The following SNX33 variants were observed in gnomAD, a reference collection of about 807,000 sequenced individuals.
The protein encoded by SNX33 is sorting nexin 33, also known as sorting nexin-33.
A neutral mutation model predicts 38.8 loss-of-function variants in SNX33; 19 were observed. That is an observed-to-expected ratio of 0.49 (90% CI 0.34 to 0.72). The LOEUF (loss-of-function observed/expected upper bound fraction) is 0.72, where lower values mean the gene tolerates loss of function less well. SNX33 is among the 30% of genes least tolerant of loss of function. The probability of loss-of-function intolerance (pLI) is 0.01; values close to 1 mark genes in which losing one functional copy is unlikely to be tolerated. For synonymous variants in SNX33, 246 were observed against 289.7 expected (o/e 0.85, Z 1.53); for missense variants, 641 against 776.4 (o/e 0.83, Z 2.07).
rs1254101827 is a variant in SNX33, at chr15:75,657,951, G to C, written c.*736G>C. ...TTCCATGGGGATTCTGGCCTGTGTGGTAGGAAGGGATCTCCCTTGCTCCCA... is the reference window on the plus strand; with the variant it reads ...TTCCATGGGGATTCTGGCCTGTGTGCTAGGAAGGGATCTCCCTTGCTCCCA... On this transcript the variant is annotated 3_prime_UTR_variant, in exon 2 of 2. Transcript: ENST00000308527. This position sits in a 1 kb window ranked among gnomAD's most constrained non-coding sequence, Gnocchi z 5.5. The C allele has an allele frequency of 6.5e-6, 1 of 152,904 alleles. No homozygotes were observed. The highest frequency in any genetic ancestry group is 1.5e-5 in the Non-Finnish European group (1 of 68,498). The allele number at this position is 152,904 out of a possible 1,614,324, so 9.5% of individuals were successfully genotyped here.
At position 75,650,462 on chromosome 15, in the gene SNX33, G is replaced by A. The variant is rs769289489; in HGVS notation, c.1360G>A (p.Gly454Arg). 5 of 1,614,138 alleles carry A rather than the reference G, an allele frequency of 3.1e-6. No individual in the cohort carries two copies. Among genetic ancestry groups the A allele is most frequent in the South Asian group, 2.2e-5 (2 of 91,068 alleles). Residue 454 changes from glycine (G) to arginine (R), a missense_variant, in exon 1 of 2, where the codon GGG (glycine) becomes AGG (arginine). Physicochemically the swap from Gly to Arg is moderately radical, Grantham distance 125. Around this residue, in one of 2 missense-constraint regions of SNX33, gnomAD observed 398 missense variants for 542.5 expected, o/e 0.73. Transcript: ENST00000308527. The surrounding 1 kb of genome is among the most constrained non-coding windows in gnomAD (Gnocchi z 6.1). Reference protein sequence around the residue: ...SHTGRTYEAIGEMFAEQPKND... With the variant: ...SHTGRTYEAIREMFAEQPKND... ...CACGGGCCGTACCTATGAAGCCATC[G>A]GGGAGATGTTTGCTGAGCAGCCCAA...
At chr15:75,656,619 T>C (rs924236749) in intron 1 of SNX33, among the ~76,000 whole-genome samples, 9 of 152,144 alleles carry the variant, frequency 5.9e-5, no homozygotes, top group African/African-American at 2.2e-4. Flanking sequence ...GGATCTGCTG[T>C]GGGCCAGGCC....
chr15:75,649,758 G>A lies in SNX33; in HGVS notation c.656G>A (p.Arg219His), dbSNP rs1447888847. ...ACATACTCCATTGAAATGGGCCCTC[G>A]TGGCCCCCAGTGGAAGGCCAATCCC... ...AETYSIEMGP[R>H]GPQWKANPHP... The change falls in exon 1 of 2, where the codon CGT (arginine) becomes CAT (histidine). Residue 219 changes from arginine (R) to histidine (H), a missense_variant. By Grantham distance (29) the Arg-to-His change is conservative. Coordinates refer to ENST00000308527, the MANE Select transcript of SNX33 (RefSeq NM_153271.2). This position sits in a 1 kb window ranked among gnomAD's most constrained non-coding sequence, Gnocchi z 6.6. 3.3e-6 allele frequency: 5 copies of A among 1,522,864 alleles called. No homozygotes were observed. The highest frequency in any genetic ancestry group is 1.4e-5 in the African/African-American group (1 of 72,110). 94.3% of individuals were successfully genotyped at this position (1,522,864 alleles called of 1,614,324 possible).
chr15:75,657,087 C>T lies in SNX33; in HGVS notation c.1597C>T (p.His533Tyr), dbSNP rs1409269448. ...VGFALQAEMN[H>Y]FHQRRELDFK... The stretch of plus-strand genomic sequence containing the variant: ...TTTCGCCCTGCAGGCCGAGATGAAC[C>T]ACTTCCACCAGCGCCGTGAGCTCGA... Residue 533 changes from histidine (H) to tyrosine (Y), a missense_variant, in exon 2 of 2, where the codon CAC becomes TAC. Coordinates refer to ENST00000308527, the MANE Select transcript of SNX33 (RefSeq NM_153271.2). This position sits in a 1 kb window ranked among gnomAD's most constrained non-coding sequence, Gnocchi z 5.5. The T allele has an allele frequency of 5.6e-6, 9 of 1,614,062 alleles. No individual in the cohort carries two copies. Among genetic ancestry groups the T allele is most frequent in the Non-Finnish European group, 7.6e-6 (9 of 1,180,032 alleles).
In SNX33 at chr15:75,650,098, C is replaced by T. The variant is rs1265032552; in HGVS notation, c.996C>T (p.Phe332=). The stretch of plus-strand genomic sequence containing the variant: ...CCCAGTACGAAGGCTTCCAGCATTT[C>T]CTCAGCTGCCTGGATGACAAGCAGT... The part of the protein sequence containing the change: ...VLSQYEGFQH[F]LSCLDDKQWK... Residue 332 remains phenylalanine, a synonymous_variant, in exon 1 of 2, where the codon TTC becomes TTT. Coordinates refer to ENST00000308527, the MANE Select transcript of SNX33 (RefSeq NM_153271.2). The surrounding 1 kb of genome is among the most constrained non-coding windows in gnomAD (Gnocchi z 6.1). 6.2e-6 allele frequency: 10 copies of T among 1,614,064 alleles called. No homozygotes were observed. In the Admixed American group the frequency reaches 1.7e-4, roughly 27 times the overall value.
chr15:75,650,606 G>A lies in SNX33; in HGVS notation c.1471+33G>A. The A allele has an allele frequency of 6.4e-7, 1 of 1,552,328 alleles. No homozygotes were observed. ...CCAGTGCAGGCAGGAAACTCGTCCT[G>A]AGTCTGGCTCTCTGCTGGGCCCTGG... On this transcript the variant is annotated intron_variant, in intron 1 of 1. Coordinates refer to ENST00000308527, the MANE Select transcript of SNX33 (RefSeq NM_153271.2). The surrounding 1 kb of genome is among the most constrained non-coding windows in gnomAD (Gnocchi z 6.1).
Position 75,656,955 on chromosome 15 carries a change from A to G in SNX33, c.1472-7A>G. Reference sequence around the variant, plus strand: ...TCACACGCTGTCCTCTGCTCTGCCTATGCCAGGCGCCTTCGCCAAGGTGAA... The same window carrying G: ...TCACACGCTGTCCTCTGCTCTGCCTGTGCCAGGCGCCTTCGCCAAGGTGAA... On this transcript the variant is annotated splice_polypyrimidine_tract_variant and splice_region_variant and intron_variant, in intron 1 of 1. Coordinates refer to ENST00000308527, the MANE Select transcript of SNX33 (RefSeq NM_153271.2). The G allele has an allele frequency of 6.2e-7, 1 of 1,611,554 alleles. No homozygotes were observed. Among genetic ancestry groups the G allele is most frequent in the Non-Finnish European group, 8.5e-7 (1 of 1,178,366 alleles).
At chr15:75,653,197 T>G (rs1216406848) in intron 1 of SNX33, among the ~76,000 whole-genome samples, 1 of 151,972 alleles carries the variant, frequency 6.6e-6, no homozygotes, top group African/African-American at 2.4e-5. Context: ...TAAAATGAAA[T>G]AAAATGGGAC....
At position 75,649,436 on chromosome 15, in the gene SNX33, G is replaced by A; in HGVS notation, c.334G>A (p.Asp112Asn). 6.5e-7 allele frequency: 1 copy of A among 1,533,834 alleles called. No individual in the cohort carries two copies. The highest frequency in any genetic ancestry group is 8.8e-7 in the Non-Finnish European group (1 of 1,138,178). The change falls in exon 1 of 2, where the codon GAT (aspartate) becomes AAT (asparagine). Residue 112 changes from aspartate (D) to asparagine (N), a missense_variant. Asp to Asn is a conservative substitution (Grantham distance 23). This residue lies in a region of SNX33 where 243 missense variants were observed against 233.9 expected (regional missense o/e 1.04). Coordinates refer to ENST00000308527, the MANE Select transcript of SNX33 (RefSeq NM_153271.2). This position sits in a 1 kb window ranked among gnomAD's most constrained non-coding sequence, Gnocchi z 6.6. ...CTCAAACCAGGGTAGCTTTGAGGAGGATGATGATGATGACTGGGATGACTG... is the reference window on the plus strand; with the variant it reads ...CTCAAACCAGGGTAGCTTTGAGGAGAATGATGATGATGACTGGGATGACTG... ...FLSNQGSFEEDDDDDWDDWDD... is the reference protein window; with the variant it reads ...FLSNQGSFEENDDDDWDDWDD...
Position 75,657,141 on chromosome 15 carries a change from C to G in SNX33, c.1651C>G (p.Arg551Gly), listed in dbSNP as rs747006284. Reference sequence around the variant, plus strand: ...CAAGCACATGATGCAGAACTACTTGCGCCAGCAGATCCTCTTCTACCAGCG... The same window carrying G: ...CAAGCACATGATGCAGAACTACTTGGGCCAGCAGATCCTCTTCTACCAGCG... ...DFKHMMQNYL[R>G]QQILFYQRVG... The change falls in exon 2 of 2, where the codon CGC becomes GGC. Residue 551 changes from arginine (R) to glycine (G), a missense_variant. Around this residue, in one of 2 missense-constraint regions of SNX33, gnomAD observed 398 missense variants for 542.5 expected, o/e 0.73. Transcript: ENST00000308527. The surrounding 1 kb of genome is among the most constrained non-coding windows in gnomAD (Gnocchi z 5.5). The G allele has an allele frequency of 2.5e-6, 4 of 1,614,036 alleles. No individual in the cohort carries two copies. Among genetic ancestry groups the G allele is most frequent in the Admixed American group, 3.3e-5 (2 of 60,008 alleles).
rs576096076 is a variant in SNX33 at position 75,662,205 on chromosome 15, A to G, written c.*4990A>G. The G allele has an allele frequency of 1.3e-5, 2 of 152,320 alleles. No individual in the cohort carries two copies. Among genetic ancestry groups the G allele is most frequent in the East Asian group, 1.9e-4 (1 of 5,180 alleles). 9.4% of individuals were successfully genotyped at this position (152,320 alleles called of 1,614,324 possible). On this transcript the variant is annotated 3_prime_UTR_variant, in exon 2 of 2. Coordinates refer to ENST00000308527, the MANE Select transcript of SNX33 (RefSeq NM_153271.2). ...TAAAGGCTGAATCCCACACTCTATC[A>G]TACATATTAATATTTACCTGCATTC...
Position 75,649,049 on chromosome 15 carries a change from C to G in SNX33, c.-54C>G. 1 of 1,523,734 alleles carries G rather than the reference C, an allele frequency of 6.6e-7. No homozygotes were observed. Among genetic ancestry groups the G allele is most frequent in the African/African-American group, 1.4e-5 (1 of 72,126 alleles). The allele number at this position is 1,523,734 out of a possible 1,614,324, so 94.4% of individuals were successfully genotyped here. ...TTCTTGGACTGCCTTGTGAGCATCCCCGGTCTGGGCAGGACCCTCTCCTTC... is the reference window on the plus strand; with the variant it reads ...TTCTTGGACTGCCTTGTGAGCATCCGCGGTCTGGGCAGGACCCTCTCCTTC... On this transcript the variant is annotated 5_prime_UTR_variant, in exon 1 of 2. Coordinates refer to ENST00000308527, the MANE Select transcript of SNX33 (RefSeq NM_153271.2). This position sits in a 1 kb window ranked among gnomAD's most constrained non-coding sequence, Gnocchi z 6.6.
chr15:75,648,548 C>A lies in SNX33; in HGVS notation c.-555C>A. On this transcript the variant is annotated 5_prime_UTR_variant, in exon 1 of 2. Transcript: ENST00000308527. This position sits in a 1 kb window ranked among gnomAD's most constrained non-coding sequence, Gnocchi z 4.4. ...TTCCGGATTTTTGAAAACCCAGTGGCCCAGGAGCAAGAGGAGGAAGGAGGA... is the reference window on the plus strand; with the variant it reads ...TTCCGGATTTTTGAAAACCCAGTGGACCAGGAGCAAGAGGAGGAAGGAGGA... The A allele has an allele frequency of 2.0e-6, 2 of 985,344 alleles. No individual in the cohort carries two copies. Among genetic ancestry groups the A allele is most frequent in the Non-Finnish European group, 1.2e-6 (1 of 829,926 alleles). 61.0% of individuals were successfully genotyped at this position (985,344 alleles called of 1,614,324 possible).
chr15:75,657,327 G>T lies in SNX33; in HGVS notation c.*112G>T. The T allele has an allele frequency of 2.0e-6, 3 of 1,532,262 alleles. No individual in the cohort carries two copies. The highest frequency in any genetic ancestry group is 2.6e-6 in the Non-Finnish European group (3 of 1,134,802). 94.9% of individuals were successfully genotyped at this position (1,532,262 alleles called of 1,614,324 possible). ...TGGGGGAGGGGTCAGCGGTGGGGGAGATAAGCGGCCTGTCCTGCCTCCTGG... is the reference window on the plus strand; with the variant it reads ...TGGGGGAGGGGTCAGCGGTGGGGGATATAAGCGGCCTGTCCTGCCTCCTGG... On this transcript the variant is annotated 3_prime_UTR_variant, in exon 2 of 2. Coordinates refer to ENST00000308527, the MANE Select transcript of SNX33 (RefSeq NM_153271.2). The surrounding 1 kb of genome is among the most constrained non-coding windows in gnomAD (Gnocchi z 5.5).
In SNX33 at chr15:75,650,540, T is replaced by G. The variant is rs1893566394; in HGVS notation, c.1438T>G (p.Ser480Ala). 14 of 1,606,598 alleles carry G rather than the reference T, an allele frequency of 8.7e-6. No homozygotes were observed. Among genetic ancestry groups the G allele is most frequent in the Non-Finnish European group, 1.2e-5 (14 of 1,176,874 alleles). ...ACTGTCTCTCTACCAGGGCCTGCTC[T>G]CCAACTTCCCTGACATCATCCATCT... The part of the protein sequence containing the change: ...DTLSLYQGLL[S>A]NFPDIIHLQK... The change falls in exon 1 of 2, where the codon TCC becomes GCC. Residue 480 changes from serine (S) to alanine (A), a missense_variant. Physicochemically the swap from Ser to Ala is moderately conservative, Grantham distance 99. Coordinates refer to ENST00000308527, the MANE Select transcript of SNX33 (RefSeq NM_153271.2). The surrounding 1 kb of genome is among the most constrained non-coding windows in gnomAD (Gnocchi z 6.1).
At chr15:75,655,295 C>A (rs1015600996) in intron 1 of SNX33, among the ~76,000 whole-genome samples, 2 of 152,236 alleles carry the variant, frequency 1.3e-5, no homozygotes, top group Non-Finnish European at 2.9e-5. Flanking sequence ...GAGGGTTGGA[C>A]ACCTGATCTT....
At chr15:75,654,062 C>T (rs28445050) in intron 1 of SNX33, among the ~76,000 whole-genome samples, 7,047 of 148,424 alleles carry the variant, frequency 0.047, 527 homozygotes, top group African/African-American at 0.16. Context: ...CACTGCACTC[C>T]AGCTTGGGCA....
In SNX33 at chr15:75,649,469, G is replaced by T. The variant is rs200632506; in HGVS notation, c.367G>T (p.Gly123Ter). 6.5e-7 allele frequency: 1 copy of T among 1,539,316 alleles called. No individual in the cohort carries two copies. Among genetic ancestry groups the T allele is most frequent in the Non-Finnish European group, 8.8e-7 (1 of 1,140,964 alleles). The change falls in exon 1 of 2, where the codon GGA (glycine) becomes TGA (stop). Residue 123 changes from glycine to a stop codon, truncating the protein, a stop_gained. Coordinates refer to ENST00000308527, the MANE Select transcript of SNX33 (RefSeq NM_153271.2). LOFTEE classifies it high-confidence loss of function. This position sits in a 1 kb window ranked among gnomAD's most constrained non-coding sequence, Gnocchi z 6.6. ...TGATGACTGGGATGACTGGGACGAC[G>T]GATGCACAGTGGTGGAGGAGCCACG... ...DDDDWDDWDDGCTVVEEPRAG... is the reference protein window; with the variant it reads ...DDDDWDDWDD
Position 75,648,805 on chromosome 15 carries a change from A to C in SNX33, c.-298A>C. 3.4e-6 allele frequency: 1 copy of C among 297,820 alleles called. No individual in the cohort carries two copies. Among genetic ancestry groups the C allele is most frequent in the Non-Finnish European group, 6.1e-6 (1 of 165,068 alleles). The allele number at this position is 297,820 out of a possible 1,614,324, so 18.4% of individuals were successfully genotyped here. On this transcript the variant is annotated 5_prime_UTR_variant, in exon 1 of 2. Transcript: ENST00000308527. This position sits in a 1 kb window ranked among gnomAD's most constrained non-coding sequence, Gnocchi z 4.4. ...CTTCTGGGAGTAGGAGTTAGGAGAG[A>C]TTCCCCTCTAACCCCCCAGAGGCTG...
Sources: allele counts gnomAD v4.1 joint callset (sites outside exome capture counted in the v4.1 genomes callset), GRCh38; gene constraint gnomAD v4.1.1; regional missense constraint gnomAD v4.1.1; non-coding constraint Gnocchi (gnomAD v3.1); transcripts MANE v1.5; gene names NCBI Gene and HGNC (gene_info 2026-07-23, HGNC 2026-07-21).